Variants in DAB1 observed in about 807,000 individuals in gnomAD.
DAB1 encodes DAB adaptor protein 1.
DAB1 carries 15 observed loss-of-function variants against 64.6 expected under a neutral mutation model. The observed-to-expected ratio is 0.23, with a 90% confidence interval of 0.16 to 0.36. DAB1 has a LOEUF of 0.36. Ranked by LOEUF, DAB1 falls within the 10% of genes least tolerant of loss-of-function variation. The pLI is 1.00. For missense variants in DAB1, 596 were observed against 706.7 expected, an observed-to-expected ratio of 0.84 and a Z score of 1.78; for synonymous variants, 235 against 251.9, an observed-to-expected ratio of 0.93 and a Z score of 0.64.
Position 58,106,843 on chromosome 1 carries a change from ATCCC to A in DAB1, n.387+43664_387+43667del, listed in dbSNP as rs879680083. 5.4e-3 allele frequency among the ~76,000 whole-genome samples: 591 copies of A among 110,102 alleles called. 17 individuals are homozygous for A. In the East Asian group the frequency reaches 0.099, roughly 19 times the overall value. 72.2% of individuals were successfully genotyped at this position (110,102 alleles called of 152,430 possible). A position where few individuals can be genotyped will look rare whatever the true frequency, so the allele number is the denominator to read the frequency against. ...ATTGCCTTCCCTCCCTCCCTCCTTC[ATCCC>A]TCCCTCCCTCCCTCCCTCCTTCCTC... On this transcript the variant is annotated intron_variant and non_coding_transcript_variant, in intron 5 of 20. Transcript: ENST00000485760.
chr1:57,045,582 C>A (rs1326402530), intron 9 of DAB1, among the ~76,000 whole-genome samples: 1 of 152,094 alleles, frequency 6.6e-6, no homozygotes, highest in East Asian at 1.9e-4. Flanking sequence ...TCTGTAATCC[C>A]AGCTACTTGG....
chr1:57,227,079 G>A (rs1030836262), intron 2 of DAB1, among the ~76,000 whole-genome samples: 1 of 152,078 alleles, frequency 6.6e-6, no homozygotes, highest in African/African-American at 2.4e-5. Flanking sequence ...GGAGGCAAAG[G>A]GGGGAGGATC....
At chr1:57,944,280 C>T (rs1645150573) in intron 5 of DAB1, among the ~76,000 whole-genome samples, 1 of 152,098 alleles carries the variant, frequency 6.6e-6, no homozygotes, top group Non-Finnish European at 1.5e-5. Context: ...ACCTGTTCCA[C>T]CCTCCTCATT....
chr1:57,112,952 A>C (rs1237839607), intron 4 of DAB1, among the ~76,000 whole-genome samples: 1 of 152,210 alleles, frequency 6.6e-6, no homozygotes, highest in African/African-American at 2.4e-5. Flanking sequence ...TGGAGACAGA[A>C]ACATGAAGGA....
intron 4 of DAB1, among the ~76,000 whole-genome samples, chr1:57,113,904 A>G (rs1376600951): frequency 6.6e-6 from 1 of 152,226 alleles, no homozygotes; most frequent in East Asian, 1.9e-4. Flanking sequence ...ACTACTCCTG[A>G]GGACTATTTG....
intron 1 of DAB1, among the ~76,000 whole-genome samples, chr1:57,414,144 G>A (rs1350002439): frequency 6.6e-6 from 1 of 152,168 alleles, no homozygotes; most frequent in Non-Finnish European, 1.5e-5. Flanking sequence ...GGTTTGAGAG[G>A]ACTGACTCCA....
intron 2 of DAB1, among the ~76,000 whole-genome samples, chr1:57,149,106 A>G (rs1338931562): frequency 6.6e-6 from 1 of 152,114 alleles, no homozygotes; most frequent in African/African-American, 2.4e-5. Context: ...ATAATATACA[A>G]TTTTTTGGGT....
chr1:57,213,767 A>T (rs1164728799), intron 2 of DAB1, among the ~76,000 whole-genome samples: 1 of 152,164 alleles, frequency 6.6e-6, no homozygotes, highest in African/African-American at 2.4e-5. Flanking sequence ...ACCCAGGAAC[A>T]TTTCAATATT....
chr1:58,174,235 A>G (rs1446420532), intron 4 of DAB1, among the ~76,000 whole-genome samples: 1 of 152,060 alleles, frequency 6.6e-6, no homozygotes, highest in African/African-American at 2.4e-5. Context: ...CACCTTTCAA[A>G]CTCTTATACC....
At chr1:58,464,283 C>T (rs1645273383) in intron 3 of DAB1, among the ~76,000 whole-genome samples, 2 of 152,160 alleles carry the variant, frequency 1.3e-5, no homozygotes, top group South Asian at 4.1e-4. Context: ...TGTATTTGTA[C>T]AGGTCCTTCC....
chr1:57,334,023 G>C (rs370133199), intron 1 of DAB1, among the ~76,000 whole-genome samples: 1 of 152,282 alleles, frequency 6.6e-6, no homozygotes, highest in East Asian at 1.9e-4. Flanking sequence ...GTATTTGGGG[G>C]AAAGGGAAAC....
intron 9 of DAB1, among the ~76,000 whole-genome samples, chr1:57,039,038 G>A (rs1647367627): frequency 6.6e-6 from 1 of 152,210 alleles, no homozygotes; most frequent in Non-Finnish European, 1.5e-5. Flanking sequence ...TTGCTTGCAA[G>A]TGAAAACACT....
At chr1:58,313,627 A>G (rs1662477958) in intron 4 of DAB1, among the ~76,000 whole-genome samples, 1 of 152,150 alleles carries the variant, frequency 6.6e-6, no homozygotes, top group Non-Finnish European at 1.5e-5. Flanking sequence ...AGTGGCTAAC[A>G]AAAGTAACCC....
At chr1:58,296,434 T>C (rs962147529) in intron 4 of DAB1, among the ~76,000 whole-genome samples, 1 of 151,892 alleles carries the variant, frequency 6.6e-6, no homozygotes, top group Non-Finnish European at 1.5e-5. Context: ...CAACAGGAGG[T>C]AGGCAGCTGC....
intron 5 of DAB1, among the ~76,000 whole-genome samples, chr1:57,906,509 T>C (rs1350366854): frequency 6.6e-6 from 1 of 152,096 alleles, no homozygotes; most frequent in Non-Finnish European, 1.5e-5. Flanking sequence ...TGAGATACAA[T>C]CAGGCCGCCC....
chr1:58,176,911 G>A (rs536692390), intron 4 of DAB1, among the ~76,000 whole-genome samples: 2 of 151,898 alleles, frequency 1.3e-5, no homozygotes, highest in African/African-American at 2.4e-5. Flanking sequence ...CCTGGGAGGC[G>A]GAGCTTGCAG....
At chr1:57,194,685 C>A (rs1664472105) in intron 2 of DAB1, among the ~76,000 whole-genome samples, 1 of 152,212 alleles carries the variant, frequency 6.6e-6, no homozygotes, top group Non-Finnish European at 1.5e-5. Context: ...AATTAAAATT[C>A]TCCTACCATC....
At position 57,816,768 on chromosome 1, in the gene DAB1, G is replaced by A. The variant is rs374396372; in HGVS notation, n.551+67231C>T. Among the ~76,000 whole-genome samples, 30 of 152,226 alleles carry A rather than the reference G, an allele frequency of 2.0e-4. No homozygotes were observed. In the East Asian group the frequency reaches 3.7e-3, roughly 19 times the overall value. ...ATCAATACCAGGCTATCACTCCTAC[G>A]TCTGGCCTACCACTCTGTTTTTCAA... On this transcript the variant is annotated intron_variant and non_coding_transcript_variant, in intron 6 of 20. Transcript: ENST00000485760.
chr1:58,025,606 T>C (rs1009495790), intron 5 of DAB1, among the ~76,000 whole-genome samples: 1 of 145,740 alleles, frequency 6.9e-6, no homozygotes, highest in Admixed American at 6.9e-5. Context: ...TTGTCTCCTA[T>C]TAAATGTAGA....
Sources: allele counts gnomAD v4.1 joint callset (sites outside exome capture counted in the v4.1 genomes callset), GRCh38; gene constraint gnomAD v4.1.1; transcripts MANE v1.5; gene names NCBI Gene and HGNC (gene_info 2026-07-23, HGNC 2026-07-21).